ERBB4: variants seen among roughly 807,000 people sequenced by gnomAD.
The protein encoded by ERBB4 is erb-b2 receptor tyrosine kinase 4.
A neutral mutation model predicts 158.0 loss-of-function variants in ERBB4; 42 were observed. That is an observed-to-expected ratio of 0.27 (90% CI 0.21 to 0.34). The LOEUF (loss-of-function observed/expected upper bound fraction) is 0.34, where lower values mean the gene tolerates loss of function less well. Among genes scored for constraint, ERBB4 ranks in the 10% least tolerant of loss-of-function variants. ERBB4 has a pLI of 1.00. For missense variants in ERBB4, 1,333 were observed against 1,624.1 expected (o/e 0.82, Z 3.08); for synonymous variants, 583 against 558.7 (o/e 1.04, Z -0.61).
At chr2:211,490,949 T>C (rs1302506466) in intron 20 of ERBB4, among the ~76,000 whole-genome samples, 3 of 152,108 alleles carry the variant, frequency 2.0e-5, no homozygotes, top group South Asian at 2.1e-4. Context: ...GAGTTGTTAA[T>C]TTAATATGTG....
chr2:211,455,677 T>A (rs972461363), intron 20 of ERBB4, among the ~76,000 whole-genome samples: 1 of 152,174 alleles, frequency 6.6e-6, no homozygotes, highest in African/African-American at 2.4e-5. Flanking sequence ...TACTTTTAAT[T>A]TTGCCTGTTT....
chr2:212,141,532 T>A (rs2080477677), intron 1 of ERBB4, among the ~76,000 whole-genome samples: 1 of 152,052 alleles, frequency 6.6e-6, no homozygotes, highest in Admixed American at 6.6e-5. Flanking sequence ...TTTTCTTTTT[T>A]AAAAATAGAA....
rs576285110 is a variant in ERBB4 at position 211,689,914 on chromosome 2, G to A, written c.1490-10730C>T. 2.0e-3 allele frequency among the ~76,000 whole-genome samples: 296 copies of A among 151,664 alleles called. 3 individuals are homozygous for A. The highest frequency in any genetic ancestry group is 6.7e-3 in the African/African-American group (279 of 41,442). On this transcript the variant is annotated intron_variant, in intron 12 of 27. Coordinates refer to ENST00000342788, the MANE Select transcript of ERBB4 (RefSeq NM_005235.3). The stretch of plus-strand genomic sequence containing the variant: ...AAAATTATACTGTACGGTGTCACGA[G>A]TCTCTCCGTATTGATCACTTTTGTT...
chr2:212,383,439 C>T (rs55831616), intron 1 of ERBB4, among the ~76,000 whole-genome samples: 2,449 of 151,684 alleles, frequency 0.016, 32 homozygotes, highest in Non-Finnish European at 0.023. Flanking sequence ...GAGTATCAAA[C>T]TTTTCCCTAA....
At chr2:212,177,414 A>G (rs2125683362) in intron 1 of ERBB4, among the ~76,000 whole-genome samples, 1 of 152,056 alleles carries the variant, frequency 6.6e-6, no homozygotes, top group East Asian at 1.9e-4. Context: ...AGATCTGCCT[A>G]GCAAATTTAG....
At chr2:212,223,793 C>T (rs2083382693) in intron 1 of ERBB4, among the ~76,000 whole-genome samples, 1 of 151,470 alleles carries the variant, frequency 6.6e-6, no homozygotes, top group Non-Finnish European at 1.5e-5. Flanking sequence ...CTTTTATCAC[C>T]CAATGTAACA....
At chr2:212,423,016 A>G (rs1301699875) in intron 1 of ERBB4, among the ~76,000 whole-genome samples, 1 of 152,198 alleles carries the variant, frequency 6.6e-6, no homozygotes, top group Non-Finnish European at 1.5e-5. Context: ...TGAATTCTAT[A>G]TTCCATATTT....
At chr2:212,349,642 T>G (rs950373963) in intron 1 of ERBB4, among the ~76,000 whole-genome samples, 9 of 152,148 alleles carry the variant, frequency 5.9e-5, no homozygotes, top group Non-Finnish European at 1.3e-4. Flanking sequence ...CTTATGCTTT[T>G]TATTTCCTGG....
intron 1 of ERBB4, among the ~76,000 whole-genome samples, chr2:212,326,699 A>G (rs1184310608): frequency 2.0e-5 from 3 of 150,788 alleles, no homozygotes; most frequent in Non-Finnish European, 4.5e-5. Flanking sequence ...ATGCTGTCCC[A>G]AAGTTGCAGA....
chr2:211,709,124 T>A (rs928243919), intron 9 of ERBB4, among the ~76,000 whole-genome samples: 32 of 152,012 alleles, frequency 2.1e-4, no homozygotes, highest in African/African-American at 7.2e-4. Flanking sequence ...TGGTCCTTAC[T>A]GCCTGATGCA....
chr2:212,402,486 C>A (rs191189938), intron 1 of ERBB4, among the ~76,000 whole-genome samples: 2 of 151,930 alleles, frequency 1.3e-5, no homozygotes, highest in African/African-American at 4.8e-5. Context: ...TATACACACA[C>A]GAGTTCAAAG....
chr2:211,538,210 G>T (rs2066707677), intron 20 of ERBB4, among the ~76,000 whole-genome samples: 2 of 144,850 alleles, frequency 1.4e-5, no homozygotes, highest in Non-Finnish European at 1.5e-5. Context: ...CCTTCTACAG[G>T]TATCCCTTTT....
intron 1 of ERBB4, among the ~76,000 whole-genome samples, chr2:212,512,849 A>C (rs562291104): frequency 2.1e-4 from 32 of 152,272 alleles, no homozygotes; most frequent in African/African-American, 7.5e-4. Context: ...CAGAACATGA[A>C]AGTTCCCGTG....
At chr2:211,711,112 GC>G (rs1184217461) in intron 9 of ERBB4, among the ~76,000 whole-genome samples, 2 of 151,794 alleles carry the variant, frequency 1.3e-5, no homozygotes, top group Non-Finnish European at 2.9e-5. Flanking sequence ...CTAACATGGG[GC>G]TGTATTAAAA....
chr2:212,055,161 G>A (rs1421852480), intron 2 of ERBB4, among the ~76,000 whole-genome samples: 1 of 152,182 alleles, frequency 6.6e-6, no homozygotes, highest in Non-Finnish European at 1.5e-5. Flanking sequence ...CTCCGCACCT[G>A]GCTCGGAGGG....
At chr2:211,625,813 C>CTT (rs932629882) in intron 17 of ERBB4, among the ~76,000 whole-genome samples, 16 of 152,162 alleles carry the variant, frequency 1.1e-4, no homozygotes, top group African/African-American at 3.6e-4. Flanking sequence ...TGGGAGGGGG[C>CTT]TTCAGCATTT....
chr2:212,477,119 C>G (rs1045058817), intron 1 of ERBB4, among the ~76,000 whole-genome samples: 8 of 151,964 alleles, frequency 5.3e-5, no homozygotes, highest in Non-Finnish European at 1.0e-4. Context: ...TTGTGAGTAT[C>G]CAATAAATCT....
intron 1 of ERBB4, among the ~76,000 whole-genome samples, chr2:212,149,409 T>A (rs1412136020): frequency 6.6e-6 from 1 of 152,110 alleles, no homozygotes; most frequent in Non-Finnish European, 1.5e-5. Flanking sequence ...TAAAATGGGT[T>A]ATAAAGAGTT....
At chr2:211,989,303 T>G (rs1575479978) in intron 2 of ERBB4, among the ~76,000 whole-genome samples, 1 of 151,888 alleles carries the variant, frequency 6.6e-6, no homozygotes, top group East Asian at 1.9e-4. Context: ...GCAAAGCATT[T>G]GTTATTTTCT....
Sources: allele counts gnomAD v4.1 joint callset (sites outside exome capture counted in the v4.1 genomes callset), GRCh38; gene constraint gnomAD v4.1.1; transcripts MANE v1.5; gene names NCBI Gene and HGNC (gene_info 2026-07-23, HGNC 2026-07-21).